The following PCDH19 variants were observed in gnomAD, a reference collection of about 807,000 sequenced individuals.
The protein encoded by PCDH19 is protocadherin 19.
A neutral mutation model predicts 46.2 loss-of-function variants in PCDH19; 6 were observed. The observed-to-expected ratio is 0.13, with a 90% CI of 0.07 to 0.26. The LOEUF is 0.26. PCDH19 is among the 10% of genes least tolerant of loss of function. The pLI, the probability that PCDH19 is intolerant of heterozygous loss-of-function variation, is 1.00. For synonymous variants in PCDH19, 481 were observed against 415.7 expected, an observed-to-expected ratio of 1.16 and a Z score of -1.91; for missense variants, 740 against 972.3, an observed-to-expected ratio of 0.76 and a Z score of 3.18.
At chrX:100,322,044 C>T (rs190273068) in intron 5 of PCDH19, among the ~76,000 whole-genome samples, 1,380 of 110,070 alleles carry the variant, frequency 0.013, 6 homozygotes, top group Non-Finnish European at 0.019. Flanking sequence ...CTGCCTCGGC[C>T]TCCCAAATTG....
rs182957963 is a variant in PCDH19 at position 100,373,334 on chromosome X, A to G, written c.2617-22630T>C. On this transcript the variant is annotated intron_variant, in intron 3 of 5. Coordinates refer to ENST00000373034, the MANE Select transcript of PCDH19 (RefSeq NM_001184880.2). ...CTAGTTTTATGCAGGAAATGGAGAG[A>G]AATTGATTTGCTGTTCAAAACCATC... is the stretch of plus-strand genomic sequence containing the variant. Among the ~76,000 whole-genome samples, 6 of 112,796 alleles carry G rather than the reference A, an allele frequency of 5.3e-5. No homozygotes were observed. In the East Asian group the frequency reaches 1.7e-3, roughly 31 times the overall value.
At chrX:100,314,511 C>T (rs1476440115) in intron 5 of PCDH19, among the ~76,000 whole-genome samples, 1 of 111,863 alleles carries the variant, frequency 8.9e-6, no homozygotes, top group African/African-American at 3.3e-5. Context: ...GAAATTTTTC[C>T]AGGTAGCTCT....
chrX:100,365,761 C>A (rs1389130007), intron 3 of PCDH19, among the ~76,000 whole-genome samples: 2 of 111,551 alleles, frequency 1.8e-5, no homozygotes. Flanking sequence ...AGGAAATGGG[C>A]CCAGAGAAAC....
In PCDH19 at chrX:100,294,143, TAATC is replaced by T. The variant is rs1328643918; in HGVS notation, c.*2130_*2133del. 2 of 112,238 alleles carry T rather than the reference TAATC, an allele frequency of 1.8e-5. No individual in the cohort carries two copies. Among genetic ancestry groups the T allele is most frequent in the African/African-American group, 6.5e-5 (2 of 30,790 alleles). 9.2% of individuals were successfully genotyped at this position (112,238 alleles called of 1,213,427 possible). A position where few individuals can be genotyped will look rare whatever the true frequency, so the allele number is the denominator to read the frequency against. On this transcript the variant is annotated 3_prime_UTR_variant, in exon 6 of 6. Transcript: ENST00000373034. ...AATTTTTAAAAAATTTTTAATGTGT[TAATC>T]AAATAGTCACTTGCAAAGAGAAATA...
At chrX:100,401,847 C>T (rs1205943711) in intron 3 of PCDH19, among the ~76,000 whole-genome samples, 3 of 110,565 alleles carry the variant, frequency 2.7e-5, no homozygotes, top group Non-Finnish European at 5.7e-5. Flanking sequence ...TCTCCTGCCT[C>T]GGCCTCTCAA....
At chrX:100,350,828 C>T (rs1926547958) in intron 3 of PCDH19, 124 bp from the exon 4 acceptor site, 1 of 526,075 alleles carries the variant, frequency 1.9e-6, no homozygotes, top group Non-Finnish European at 3.4e-6. Context: ...GAACCCAAGG[C>T]CACAGTGCAG....
chrX:100,382,828 G>T (rs1056348972), intron 3 of PCDH19, among the ~76,000 whole-genome samples: 16 of 111,973 alleles, frequency 1.4e-4, no homozygotes, highest in African/African-American at 5.2e-4. Context: ...ATTCACGTAG[G>T]ACCTCCTCCC....
At chrX:100,311,040 C>T (rs1408736456) in intron 5 of PCDH19, among the ~76,000 whole-genome samples, 1 of 108,636 alleles carries the variant, frequency 9.2e-6, no homozygotes, top group Non-Finnish European at 1.9e-5. Context: ...GAGGCAGAAT[C>T]TCACTATGTT....
intron 3 of PCDH19, among the ~76,000 whole-genome samples, chrX:100,372,536 C>G (rs181141246): frequency 8.9e-6 from 1 of 112,841 alleles, no homozygotes; most frequent in Admixed American, 9.4e-5. Context: ...ATCTAACACC[C>G]TCTGCTAAAA....
In PCDH19 at chrX:100,292,654, TTAAAC is replaced by T. The variant is rs763261353; in HGVS notation, c.*3618_*3622del. The T allele has an allele frequency of 8.9e-6, 1 of 111,807 alleles. No homozygotes were observed. The highest frequency in any genetic ancestry group is 3.3e-5 in the African/African-American group (1 of 30,642). The allele number at this position is 111,807 out of a possible 1,213,427, so 9.2% of individuals were successfully genotyped here. On this transcript the variant is annotated 3_prime_UTR_variant, in exon 6 of 6. Transcript: ENST00000373034. ...CTTTGAATATTACTTTGTTACATAC[TTAAAC>T]TAAAGAACAACATCTCAATACACTT...
At chrX:100,299,424 A>T (rs1204230641) in intron 5 of PCDH19, among the ~76,000 whole-genome samples, 2 of 111,284 alleles carry the variant, frequency 1.8e-5, no homozygotes, top group Non-Finnish European at 3.8e-5. Context: ...TTTCAACAGC[A>T]TTCAATAGGA....
At chrX:100,367,839 C>T (rs1927111561) in intron 3 of PCDH19, among the ~76,000 whole-genome samples, 1 of 111,283 alleles carries the variant, frequency 9.0e-6, no homozygotes, top group African/African-American at 3.3e-5. Context: ...AAGAAAGCCT[C>T]CATGGGTAAC....
intron 3 of PCDH19, among the ~76,000 whole-genome samples, chrX:100,398,851 T>C (rs764558649): frequency 1.9e-4 from 21 of 112,010 alleles, no homozygotes; most frequent in Non-Finnish European, 3.8e-5. Flanking sequence ...TAACTGGATC[T>C]ACAGCTCATA....
chrX:100,341,865 G>A, intron 5 of PCDH19, 38 bp downstream of exon 5: 1 of 1,174,425 alleles, frequency 8.5e-7, no homozygotes. Flanking sequence ...GGGTTCTTTG[G>A]AGTCGATTGC....
chrX:100,403,515 C>A lies in PCDH19; in HGVS notation c.2288+9G>T, dbSNP rs753792839. The stretch of plus-strand genomic sequence containing the variant: ...AAACCCATTTAAATGAGGGGAAATG[C>A]CTTTTTACCTCTTTCCCCTTAGGCT... On this transcript the variant is annotated intron_variant, in intron 2 of 5. Transcript: ENST00000373034. 14 of 1,206,317 alleles carry A rather than the reference C, an allele frequency of 1.2e-5. No individual in the cohort carries two copies. The highest frequency in any genetic ancestry group is 1.6e-5 in the Non-Finnish European group (14 of 893,424).
chrX:100,382,244 C>A (rs1312138494), intron 3 of PCDH19, among the ~76,000 whole-genome samples: 4 of 111,022 alleles, frequency 3.6e-5, no homozygotes, highest in African/African-American at 9.8e-5. Context: ...AGCCACCTAG[C>A]ACTTCCTTAA....
chrX:100,376,235 CAAAAAAAA>C (rs1171817638), intron 3 of PCDH19, among the ~76,000 whole-genome samples: 6 of 32,936 alleles, frequency 1.8e-4, no homozygotes, highest in Admixed American at 3.9e-4. Flanking sequence ...AACTCCGTCT[CAAAAAAAA>C]AAAAAAAAAA....
chrX:100,408,369 T>C lies in PCDH19; in HGVS notation c.229A>G (p.Ser77Gly). The change falls in exon 1 of 6, where the codon AGC becomes GGC. Residue 77 changes from serine to glycine, a missense_variant. Ser to Gly is a moderately conservative substitution (Grantham distance 56). Transcript: ENST00000373034. Reference protein sequence around the residue: ...SAPHLVDINPSSGLLVTKQKI... With the variant: ...SAPHLVDINPGSGLLVTKQKI... Reference sequence around the variant, plus strand: ...TGCTTGGTGACCAGCAGGCCAGAGCTGGGATTGATGTCCACTAGGTGTGGA... The same window carrying C: ...TGCTTGGTGACCAGCAGGCCAGAGCCGGGATTGATGTCCACTAGGTGTGGA... 2.5e-6 allele frequency: 3 copies of C among 1,209,807 alleles called. No homozygotes were observed. The highest frequency in any genetic ancestry group is 3.4e-6 in the Non-Finnish European group (3 of 894,999).
At chrX:100,354,687 C>CT (rs1010734131) in intron 3 of PCDH19, among the ~76,000 whole-genome samples, 312 of 106,295 alleles carry the variant, frequency 2.9e-3, no homozygotes, top group African/African-American at 8.8e-3. Flanking sequence ...AATACAAGAG[C>CT]TTTTTTTTTT....
Sources: gnomAD v4.1 joint callset for allele counts (sites outside exome capture counted in the v4.1 genomes callset) on GRCh38, gnomAD v4.1.1 for gene constraint, MANE v1.5 for transcripts, NCBI Gene and HGNC (gene_info 2026-07-23, HGNC 2026-07-21) for gene names.